The following ASAP3 variants were observed in gnomAD, a reference collection of about 807,000 sequenced individuals.
The protein encoded by ASAP3 is arf-GAP with SH3 domain, ANK repeat and PH domain-containing protein 3.
In ASAP3, 85 loss-of-function variants were observed where a neutral mutation model predicts 118.2. The observed-to-expected ratio is 0.72, with a 90% CI of 0.60 to 0.86. The LOEUF (loss-of-function observed/expected upper bound fraction) is 0.86. ASAP3 is among the 40% of genes least tolerant of loss of function. The pLI, the probability that ASAP3 is intolerant of heterozygous loss-of-function variation, is 0.00. For missense variants in ASAP3, 1,026 were observed against 1,175.0 expected, an observed-to-expected ratio of 0.87 and a Z score of 1.85; for synonymous variants, 432 against 477.4, an observed-to-expected ratio of 0.90 and a Z score of 1.24.
At chr1:23,432,202 T>G (rs1640462641) in intron 22 of ASAP3, among the ~76,000 whole-genome samples, 1 of 152,078 alleles carries the variant, frequency 6.6e-6, no homozygotes, top group African/African-American at 2.4e-5. Flanking sequence ...AGATGGGGTT[T>G]CACCATGTTG....
chr1:23,428,878 AG>A lies in ASAP3; in HGVS notation c.*977del, dbSNP rs1318319726. The A allele has an allele frequency of 6.5e-6, 1 of 154,802 alleles. No individual in the cohort carries two copies. Among genetic ancestry groups the A allele is most frequent in the African/African-American group, 2.4e-5 (1 of 41,514 alleles). 9.6% of individuals were successfully genotyped at this position (154,802 alleles called of 1,614,324 possible). On this transcript the variant is annotated 3_prime_UTR_variant, in exon 25 of 25. Coordinates refer to ENST00000336689, the MANE Select transcript of ASAP3 (RefSeq NM_017707.4). ...GGGGCTGAGCAATGATAGAATTTCT[AG>A]GGCTGGGAAGCAGAACCCTTAAGTC...
Position 23,477,231 on chromosome 1 carries a change from G to A in ASAP3, c.129+6774C>T, listed in dbSNP as rs190620532. Among the ~76,000 whole-genome samples the A allele has an allele frequency of 7.7e-3, 1,175 of 151,678 alleles. 11 individuals are homozygous for A. The highest frequency in any genetic ancestry group is 0.027 in the African/African-American group (1,108 of 41,374). On this transcript the variant is annotated intron_variant, in intron 1 of 24. Coordinates refer to ENST00000336689, the MANE Select transcript of ASAP3 (RefSeq NM_017707.4). Reference sequence around the variant, plus strand: ...AGGGTTTCGCCACGTTGGCCAGGCTGGTCTCGAACTCCTGACCTCCAGTGA... The same window carrying A: ...AGGGTTTCGCCACGTTGGCCAGGCTAGTCTCGAACTCCTGACCTCCAGTGA...
rs1462404837 is a variant in ASAP3 at position 23,433,483 on chromosome 1, T to C, written c.2069A>G (p.Tyr690Cys). The C allele has an allele frequency of 4.3e-6, 7 of 1,613,996 alleles. No individual in the cohort carries two copies. Among genetic ancestry groups the C allele is most frequent in the Non-Finnish European group, 5.9e-6 (7 of 1,179,998 alleles). ...AGGCTCTGTGGAAATTACCCAGGAG[T>C]AGTCCACATGTAGAGGGAAGGCAAA... ...GTFAFPLHVD[Y>C]SWVISTEPGS... Residue 690 changes from tyrosine to cysteine, a missense_variant, in exon 21 of 25, where the codon TAC (tyrosine) becomes TGC (cysteine). Transcript: ENST00000336689.
At chr1:23,441,343 G>T (rs768656190) in intron 9 of ASAP3, 44 bp downstream of exon 9, 1 of 1,608,898 alleles carries the variant, frequency 6.2e-7, no homozygotes, top group Non-Finnish European at 8.5e-7. Flanking sequence ...TCCACGGTGG[G>T]CCTTGGGGGA....
chr1:23,477,441 G>A (rs1642169505), intron 1 of ASAP3, among the ~76,000 whole-genome samples: 1 of 150,948 alleles, frequency 6.6e-6, no homozygotes, highest in Non-Finnish European at 1.5e-5. Context: ...GGAGGTGAGA[G>A]GTCGCACCAC....
intron 1 of ASAP3, among the ~76,000 whole-genome samples, chr1:23,482,212 G>C (rs1203210474): frequency 1.3e-5 from 2 of 152,226 alleles, no homozygotes; most frequent in Admixed American, 6.5e-5. Flanking sequence ...TTAATCTGAC[G>C]ATAATCATTC....
intron 1 of ASAP3, among the ~76,000 whole-genome samples, chr1:23,475,565 T>G (rs1036397509): frequency 6.6e-6 from 1 of 152,220 alleles, no homozygotes; most frequent in South Asian, 2.1e-4. Context: ...ACGGTCTCGA[T>G]GCTAACAGCT....
chr1:23,452,595 C>A, intron 4 of ASAP3, 102 bp downstream of exon 4: 1 of 1,312,492 alleles, frequency 7.6e-7, no homozygotes, highest in South Asian at 1.2e-5. Flanking sequence ...AAGACAGCCC[C>A]TTCACCTGGC....
rs545156726 is a variant in ASAP3 at position 23,481,440 on chromosome 1, A to G, written c.129+2565T>C. ...ATCAAACTATATGTAAACACAATAT[A>G]ATCGCAAAATATAAATGCAAATGCA... is the stretch of plus-strand genomic sequence containing the variant. On this transcript the variant is annotated intron_variant, in intron 1 of 24. Coordinates refer to ENST00000336689, the MANE Select transcript of ASAP3 (RefSeq NM_017707.4). 3.3e-5 allele frequency among the ~76,000 whole-genome samples: 5 copies of G among 152,356 alleles called. No homozygotes were observed. In the South Asian group the frequency reaches 1.0e-3, roughly 32 times the overall value.
At chr1:23,453,857 C>A (rs1187888154) in intron 3 of ASAP3, among the ~76,000 whole-genome samples, 1 of 152,154 alleles carries the variant, frequency 6.6e-6, no homozygotes, top group Admixed American at 6.5e-5. Flanking sequence ...GTTTTTCTCT[C>A]CCCCACTAGA....
chr1:23,460,608 A>C (rs1359438211), intron 1 of ASAP3, among the ~76,000 whole-genome samples: 1 of 152,168 alleles, frequency 6.6e-6, no homozygotes, highest in Non-Finnish European at 1.5e-5. Flanking sequence ...GGAGCAACAG[A>C]AACTCCCATT....
intron 5 of ASAP3, among the ~76,000 whole-genome samples, chr1:23,450,961 G>A (rs1052596607): frequency 1.3e-5 from 2 of 152,136 alleles, no homozygotes; most frequent in Admixed American, 6.5e-5. Context: ...CTGGAGTATC[G>A]TGTGGTGTGC....
intron 3 of ASAP3, among the ~76,000 whole-genome samples, chr1:23,453,269 C>T (rs1032246987): frequency 1.3e-5 from 2 of 152,170 alleles, no homozygotes; most frequent in Non-Finnish European, 2.9e-5. Flanking sequence ...CATAGAACCC[C>T]CTTTCCTGTG....
rs1558095916 is a variant in ASAP3, at chr1:23,429,440, G to A, written c.*416C>T. 1 of 158,628 alleles carries A rather than the reference G, an allele frequency of 6.3e-6. No individual in the cohort carries two copies. The highest frequency in any genetic ancestry group is 1.4e-5 in the Non-Finnish European group (1 of 72,056). The allele number at this position is 158,628 out of a possible 1,614,324, so 9.8% of individuals were successfully genotyped here. The stretch of plus-strand genomic sequence containing the variant: ...GGAATATTAGACTAATAAATGGCTG[G>A]CTGAGAAGACAGTCCCTACTTGGCA... On this transcript the variant is annotated 3_prime_UTR_variant, in exon 25 of 25. Transcript: ENST00000336689.
intron 1 of ASAP3, 76 bp downstream of exon 1, chr1:23,483,929 C>T (rs1642399032): frequency 1.6e-6 from 2 of 1,219,914 alleles, no homozygotes; most frequent in Admixed American, 4.3e-5. Context: ...CATCGCAGCT[C>T]GGGTGCGACA....
At chr1:23,446,513 C>T (rs1641052468) in intron 5 of ASAP3, among the ~76,000 whole-genome samples, 1 of 150,578 alleles carries the variant, frequency 6.6e-6, no homozygotes, top group South Asian at 2.1e-4. Context: ...TCTCAGCTCA[C>T]TGCAACCTCT....
At position 23,434,345 on chromosome 1, in the gene ASAP3, A is replaced by G; in HGVS notation, c.1860T>C (p.Ala620=). ...QNGGHLDAKA[A]DGNTALHYAA... ...CGTAGTGCAGAGCCGTGTTCCCGTC[A>G]GCAGCCTTGGCATCCAGGTGACCAC... Residue 620 remains alanine (A), a synonymous_variant, in exon 19 of 25, where the codon GCT becomes GCC. Coordinates refer to ENST00000336689, the MANE Select transcript of ASAP3 (RefSeq NM_017707.4). 8 of 1,614,166 alleles carry G rather than the reference A, an allele frequency of 5.0e-6. No individual in the cohort carries two copies. The highest frequency in any genetic ancestry group is 6.8e-6 in the Non-Finnish European group (8 of 1,180,038).
At chr1:23,430,917 G>A in intron 24 of ASAP3, 118 bp downstream of exon 24, 1 of 976,372 alleles carries the variant, frequency 1.0e-6, no homozygotes, top group South Asian at 1.7e-5. Flanking sequence ...TGGCTGCCTG[G>A]GCCCATCTGT....
intron 5 of ASAP3, among the ~76,000 whole-genome samples, chr1:23,449,084 GA>G (rs1641133772): frequency 6.6e-6 from 1 of 152,112 alleles, no homozygotes; most frequent in Non-Finnish European, 1.5e-5. Context: ...CCATTTTACA[GA>G]TGATGAAGCT....
Sources: gnomAD v4.1 joint callset for allele counts (sites outside exome capture counted in the v4.1 genomes callset) on GRCh38, gnomAD v4.1.1 for gene constraint, MANE v1.5 for transcripts, NCBI Gene and HGNC (gene_info 2026-07-23, HGNC 2026-07-21) for gene names.